The following ROCK2 variants were observed in gnomAD, a reference collection of about 807,000 sequenced individuals.
The protein encoded by ROCK2 is Rho associated coiled-coil containing protein kinase 2.
In ROCK2, 61 loss-of-function variants were observed where a neutral mutation model predicts 195.1. That is an observed-to-expected ratio of 0.31 (90% confidence interval 0.25 to 0.39). The LOEUF (loss-of-function observed/expected upper bound fraction) is 0.39. Ranked by LOEUF, ROCK2 falls within the 10% of genes least tolerant of loss-of-function variation. ROCK2 has a pLI of 1.00. For missense variants in ROCK2, 1,109 were observed against 1,637.4 expected (o/e 0.68, Z 5.57); for synonymous variants, 504 against 545.5 (o/e 0.92, Z 1.06).
chr2:11,302,330 T>C (rs977649962), intron 1 of ROCK2, among the ~76,000 whole-genome samples: 1 of 152,064 alleles, frequency 6.6e-6, no homozygotes, highest in Admixed American at 6.6e-5. Context: ...TTGTTTTTTT[T>C]TTCTTTTGAG....
At chr2:11,262,774 C>T (rs574542258) in intron 3 of ROCK2, among the ~76,000 whole-genome samples, 1 of 152,296 alleles carries the variant, frequency 6.6e-6, no homozygotes, top group East Asian at 1.9e-4. Flanking sequence ...AGCATGAAAA[C>T]AGACTAATAC....
At chr2:11,216,568 T>G (rs1664437247) in intron 12 of ROCK2, among the ~76,000 whole-genome samples, 1 of 151,488 alleles carries the variant, frequency 6.6e-6, no homozygotes, top group Admixed American at 6.6e-5. Flanking sequence ...TGGAGTGCAG[T>G]GGCGCAATCT....
intron 4 of ROCK2, among the ~76,000 whole-genome samples, chr2:11,239,181 A>G (rs370923445): frequency 6.6e-5 from 10 of 152,202 alleles, no homozygotes; most frequent in African/African-American, 2.2e-4. Flanking sequence ...TATAACACCA[A>G]AAACGCAACT....
Position 11,193,776 on chromosome 2 carries a change from T to C in ROCK2, c.3687+3A>G. The C allele has an allele frequency of 6.4e-7, 1 of 1,558,314 alleles. No individual in the cohort carries two copies. The highest frequency in any genetic ancestry group is 8.8e-7 in the Non-Finnish European group (1 of 1,142,676). Reference sequence around the variant, plus strand: ...AACCAAATATAAACAAAACTATGTTTACCTGGAATATCCTTGGAATTTCTT... The same window carrying C: ...AACCAAATATAAACAAAACTATGTTCACCTGGAATATCCTTGGAATTTCTT... On this transcript the variant is annotated splice_donor_region_variant and intron_variant, in intron 30 of 32. Transcript: ENST00000315872.
At chr2:11,308,948 C>A in intron 1 of ROCK2, 1 of 1,611,078 alleles carries the variant, frequency 6.2e-7, no homozygotes, top group Non-Finnish European at 8.5e-7. Context: ...ATGATCCTGA[C>A]ATGATGAACC....
In ROCK2 at chr2:11,215,544, A is replaced by G. The variant is rs752055181; in HGVS notation, c.1563T>C (p.His521=). The G allele has an allele frequency of 3.7e-6, 6 of 1,613,238 alleles. No homozygotes were observed. The highest frequency in any genetic ancestry group is 2.2e-5 in the South Asian group (2 of 90,900). ...KNAEYQRKAD[H]EADKKRNLEN... ...CCAAATTTCGTTTTTTGTCTGCTTCATGATCAGCTTTCCTCTGATATTCTG... is the reference window on the plus strand; with the variant it reads ...CCAAATTTCGTTTTTTGTCTGCTTCGTGATCAGCTTTCCTCTGATATTCTG... Residue 521 remains histidine (H), a synonymous_variant, in exon 14 of 33, where the codon CAT becomes CAC. Transcript: ENST00000315872.
At chr2:11,312,844 T>A (rs1668077862) in intron 1 of ROCK2, among the ~76,000 whole-genome samples, 1 of 152,072 alleles carries the variant, frequency 6.6e-6, no homozygotes, top group African/African-American at 2.4e-5. Flanking sequence ...CTTAAATGCA[T>A]ATTTCTACGT....
intron 3 of ROCK2, among the ~76,000 whole-genome samples, chr2:11,261,782 G>A (rs1429020257): frequency 3.3e-5 from 5 of 152,188 alleles, no homozygotes; most frequent in African/African-American, 7.2e-5. Context: ...CCGAGATCAC[G>A]CCATTGCACT....
chr2:11,342,626 A>C (rs1669141620), intron 1 of ROCK2, among the ~76,000 whole-genome samples: 1 of 152,178 alleles, frequency 6.6e-6, no homozygotes. Flanking sequence ...AAATGCTGGG[A>C]GTGCAGCCCA....
Position 11,224,360 on chromosome 2 carries a change from T to G in ROCK2, c.969A>C (p.Lys323Asn), listed in dbSNP as rs1211549993. 6.8e-6 allele frequency: 11 copies of G among 1,613,504 alleles called. No homozygotes were observed. Among genetic ancestry groups the G allele is most frequent in the Non-Finnish European group, 9.3e-6 (11 of 1,179,580 alleles). ...AAGCACAGATGAGATTCTTTGCATG[T>G]TTGGAAATTTCTGCATCTTCAGGGA... ...LCFPEDAEIS[K>N]HAKNLICAFL... The change falls in exon 7 of 33, where the codon AAA becomes AAC. Residue 323 changes from lysine (K) to asparagine (N), a missense_variant. Transcript: ENST00000315872.
chr2:11,239,441 C>T (rs1367341453), intron 4 of ROCK2, among the ~76,000 whole-genome samples: 1 of 152,118 alleles, frequency 6.6e-6, no homozygotes, highest in Non-Finnish European at 1.5e-5. Context: ...CAAAATGGCA[C>T]AACCATTTTG....
chr2:11,321,824 T>C (rs1049287763), intron 1 of ROCK2, among the ~76,000 whole-genome samples: 3 of 152,068 alleles, frequency 2.0e-5, no homozygotes, highest in Admixed American at 6.6e-5. Context: ...AATAGATAAA[T>C]AGATGGATAG....
At chr2:11,283,129 T>C (rs1366249166) in intron 3 of ROCK2, among the ~76,000 whole-genome samples, 2 of 151,832 alleles carry the variant, frequency 1.3e-5, no homozygotes, top group African/African-American at 4.8e-5. Context: ...TAGCCGGGCA[T>C]ACTGGCAAGT....
intron 3 of ROCK2, among the ~76,000 whole-genome samples, chr2:11,270,764 T>G (rs1666598207): frequency 6.6e-6 from 1 of 152,252 alleles, no homozygotes; most frequent in Non-Finnish European, 1.5e-5. Flanking sequence ...TGCTATTTTA[T>G]CCATTAGCAT....
Position 11,194,962 on chromosome 2 carries a change from A to C in ROCK2, c.3512T>G (p.Val1171Gly), listed in dbSNP as rs769131010. 18 of 1,565,698 alleles carry C rather than the reference A, an allele frequency of 1.1e-5. No homozygotes were observed. The highest frequency in any genetic ancestry group is 1.6e-5 in the Non-Finnish European group (18 of 1,150,926). The change falls in exon 28 of 33, where the codon GTT (valine) becomes GGT (glycine). Residue 1171 changes from valine to glycine, a missense_variant. Transcript: ENST00000315872. ...TTCCAAAGTATCAATTACCTTTTTA[A>C]CCCATCCAAATTTCTTAGTGTTGTT... ...VRNNTKKFGW[V>G]KKYVIVSSKK...
chr2:11,288,503 G>C (rs566831660), intron 1 of ROCK2, among the ~76,000 whole-genome samples: 1 of 152,262 alleles, frequency 6.6e-6, no homozygotes, highest in South Asian at 2.1e-4. Context: ...AACAAATTAA[G>C]GCACAGAGAA....
chr2:11,235,897 G>C lies in ROCK2; in HGVS notation c.528C>G (p.Asp176Glu). 6.2e-7 allele frequency: 1 copy of C among 1,613,572 alleles called. No homozygotes were observed. The highest frequency in any genetic ancestry group is 8.5e-7 in the Non-Finnish European group (1 of 1,179,774). The stretch of plus-strand genomic sequence containing the variant: ...CATAATTACTCATAAGGTTTACAAG[G>C]TCTCCACCAGGCATGTACTCCATTA... ...YMVMEYMPGG[D>E]LVNLMSNYDV... The change falls in exon 5 of 33, where the codon GAC (aspartate) becomes GAG (glutamate). Residue 176 changes from aspartate to glutamate, a missense_variant. Physicochemically the swap from Asp to Glu is conservative, Grantham distance 45 (BLOSUM62 2). Transcript: ENST00000315872. The surrounding 1 kb of genome is among the most constrained non-coding windows in gnomAD (Gnocchi z 4.2).
intron 4 of ROCK2, 105 bp from the exon 5 acceptor site, chr2:11,236,067 A>C (rs527387954): frequency 9.9e-5 from 105 of 1,065,120 alleles, no homozygotes; most frequent in Non-Finnish European, 1.3e-4. Context: ...AAGGCAAACT[A>C]TTTTATAACC....
chr2:11,208,043 AT>A (rs1224873878), intron 19 of ROCK2, 133 bp from the exon 20 acceptor site: 25 of 514,962 alleles, frequency 4.9e-5, no homozygotes, highest in East Asian at 1.5e-4. Context: ...TCATACTAAA[AT>A]TTTTTTTGTA....
Sources: allele counts gnomAD v4.1 joint callset (sites outside exome capture counted in the v4.1 genomes callset), GRCh38; gene constraint gnomAD v4.1.1; non-coding constraint Gnocchi (gnomAD v3.1); transcripts MANE v1.5; gene names NCBI Gene and HGNC (gene_info 2026-07-23, HGNC 2026-07-21).